ZBTB20: variants seen among roughly 807,000 people sequenced by gnomAD.
ZBTB20 encodes the protein zinc finger and BTB domain-containing protein 20.
A neutral mutation model predicts 56.9 loss-of-function variants in ZBTB20; 9 were observed. The observed-to-expected ratio is 0.16, with a 90% CI of 0.10 to 0.28. The LOEUF (loss-of-function observed/expected upper bound fraction) is 0.28, where lower values mean the gene tolerates loss of function less well. Ranked by LOEUF, ZBTB20 falls within the 10% of genes least tolerant of loss-of-function variation. The pLI, the probability that ZBTB20 is intolerant of heterozygous loss-of-function variation, is 1.00. For synonymous variants in ZBTB20, 417 were observed against 420.7 expected (o/e 0.99, Z 0.11); for missense variants, 655 against 1,003.0 (o/e 0.65, Z 4.69).
chr3:114,339,491 G>A lies in ZBTB20; in HGVS notation c.1805-65C>T. ...GACATAGCAAGGGATAGAGAATGAAGGACAGGAAAAACAAGACAACAAAAA... is the reference window on the plus strand; with the variant it reads ...GACATAGCAAGGGATAGAGAATGAAAGACAGGAAAAACAAGACAACAAAAA... On this transcript the variant is annotated intron_variant, in intron 11 of 11. Coordinates refer to ENST00000675478, the MANE Select transcript of ZBTB20 (RefSeq NM_001348800.3). The surrounding 1 kb of genome is among the most constrained non-coding windows in gnomAD (Gnocchi z 4.2). 12 of 1,494,560 alleles carry A rather than the reference G, an allele frequency of 8.0e-6. No homozygotes were observed. Among genetic ancestry groups the A allele is most frequent in the South Asian group, 2.6e-5 (2 of 77,452 alleles). 92.6% of individuals were successfully genotyped at this position (1,494,560 alleles called of 1,614,324 possible).
chr3:114,490,448 C>A (rs2042614493), intron 7 of ZBTB20, among the ~76,000 whole-genome samples: 2 of 152,142 alleles, frequency 1.3e-5, no homozygotes, highest in Admixed American at 1.3e-4. Flanking sequence ...GTCTCGAACT[C>A]TTGACCTCGT....
chr3:114,574,737 C>T (rs565301620), intron 6 of ZBTB20, among the ~76,000 whole-genome samples: 116 of 152,172 alleles, frequency 7.6e-4, no homozygotes, highest in Non-Finnish European at 1.4e-3. Flanking sequence ...ACACTGATGC[C>T]GAACAGTTAT....
chr3:114,460,526 G>A (rs937142793), intron 7 of ZBTB20, among the ~76,000 whole-genome samples: 1 of 152,098 alleles, frequency 6.6e-6, no homozygotes, highest in Non-Finnish European at 1.5e-5. Flanking sequence ...TTTGAAGAAG[G>A]GGTCATGCAC....
intron 2 of ZBTB20, among the ~76,000 whole-genome samples, chr3:115,004,790 C>A (rs953426081): frequency 6.6e-6 from 1 of 151,608 alleles, no homozygotes; most frequent in Admixed American, 6.6e-5. Context: ...TAGAAAGTTT[C>A]TCTAAATTTT....
chr3:114,466,798 AAGAT>A (rs1415964348), intron 7 of ZBTB20, among the ~76,000 whole-genome samples: 4 of 152,234 alleles, frequency 2.6e-5, no homozygotes, highest in Non-Finnish European at 5.9e-5. Flanking sequence ...AGTAGCTACA[AAGAT>A]TAGAAGCAAT....
At chr3:114,697,740 C>A (rs2063132798) in intron 5 of ZBTB20, among the ~76,000 whole-genome samples, 2 of 150,312 alleles carry the variant, frequency 1.3e-5, no homozygotes, top group Admixed American at 6.6e-5. Flanking sequence ...AAGAAAGGAG[C>A]AGGAGAGGGA....
chr3:114,968,201 A>C (rs1429418449), intron 3 of ZBTB20, among the ~76,000 whole-genome samples: 1 of 152,158 alleles, frequency 6.6e-6, no homozygotes, highest in Admixed American at 6.5e-5. Context: ...TTAGAGAGAA[A>C]ATACTTAAAC....
chr3:114,880,050 T>C (rs1356111392), intron 4 of ZBTB20, among the ~76,000 whole-genome samples: 1 of 152,256 alleles, frequency 6.6e-6, no homozygotes, highest in Non-Finnish European at 1.5e-5. Context: ...ATTTGCCAGT[T>C]AATGTACCCT....
rs1345203225 is a variant in ZBTB20 at position 114,327,048 on chromosome 3, G to C, written c.*11957C>G. The C allele has an allele frequency of 6.6e-6, 1 of 152,070 alleles. No homozygotes were observed. The highest frequency in any genetic ancestry group is 1.5e-5 in the Non-Finnish European group (1 of 68,000). The allele number at this position is 152,070 out of a possible 1,614,324, so 9.4% of individuals were successfully genotyped here. A position where few individuals can be genotyped will look rare whatever the true frequency, so the allele number is the denominator to read the frequency against. On this transcript the variant is annotated 3_prime_UTR_variant, in exon 12 of 12. Transcript: ENST00000675478. ...TATCCTCACGAATATATACTATAGT[G>C]TTTCTGTCTATTATTTTGATGCATT...
At chr3:114,893,528 G>A (rs1368971234) in intron 4 of ZBTB20, among the ~76,000 whole-genome samples, 2 of 152,154 alleles carry the variant, frequency 1.3e-5, no homozygotes, top group Admixed American at 6.5e-5. Flanking sequence ...AATGTGCCTT[G>A]CTCTTTAGTG....
intron 2 of ZBTB20, among the ~76,000 whole-genome samples, chr3:115,014,370 G>A (rs1031062421): frequency 4.0e-5 from 6 of 151,506 alleles, no homozygotes; most frequent in Non-Finnish European, 8.9e-5. Flanking sequence ...AATGGCTATA[G>A]TCAAAAATAA....
intron 5 of ZBTB20, among the ~76,000 whole-genome samples, chr3:114,715,529 C>T (rs2064412332): frequency 6.6e-6 from 1 of 152,208 alleles, no homozygotes; most frequent in African/African-American, 2.4e-5. Context: ...GCTACAATAA[C>T]ACTGACAGCT....
At position 114,924,064 on chromosome 3, in the gene ZBTB20, C is replaced by T. The variant is rs1576337269; in HGVS notation, c.-455-23722G>A. ...AGAAGGGCTAAGAGATAAATATCTG[C>T]AAGAATGTGGAGAAACGAAAACACT... is the stretch of plus-strand genomic sequence containing the variant. On this transcript the variant is annotated intron_variant, in intron 3 of 11. Transcript: ENST00000675478. Among the ~76,000 whole-genome samples the T allele has an allele frequency of 2.6e-5, 4 of 151,750 alleles. No individual in the cohort carries two copies. In the South Asian group the frequency reaches 8.3e-4, roughly 31 times the overall value.
At chr3:114,410,451 A>ATCAGCC (rs2087821525) in intron 7 of ZBTB20, among the ~76,000 whole-genome samples, 2 of 152,140 alleles carry the variant, frequency 1.3e-5, no homozygotes, top group South Asian at 4.1e-4. Flanking sequence ...GAAATTAAAT[A>ATCAGCC]TCAGCCTCAG....
chr3:114,405,193 CT>C (rs34549916), intron 7 of ZBTB20, among the ~76,000 whole-genome samples: 5 of 151,478 alleles, frequency 3.3e-5, no homozygotes, highest in South Asian at 2.1e-4. Flanking sequence ...AACAGTCTGA[CT>C]TTTTTTTTCC....
At chr3:114,937,721 G>C (rs542265580) in intron 3 of ZBTB20, among the ~76,000 whole-genome samples, 24 of 152,134 alleles carry the variant, frequency 1.6e-4, no homozygotes, top group African/African-American at 5.5e-4. Flanking sequence ...GCGGCCAGCC[G>C]TAAATGTCTT....
intron 6 of ZBTB20, among the ~76,000 whole-genome samples, chr3:114,632,360 C>G (rs778878565): frequency 6.6e-6 from 1 of 152,174 alleles, no homozygotes; most frequent in Middle Eastern, 3.2e-3. Flanking sequence ...TGCACACCCC[C>G]CTCTCCCCTG....
intron 8 of ZBTB20, chr3:114,388,272 T>C (rs1485416018): frequency 3.3e-5 from 5 of 152,204 alleles, no homozygotes; most frequent in Non-Finnish European, 7.3e-5. Context: ...TATTGGAAAA[T>C]AGCATATATT....
In ZBTB20 at chr3:114,702,669, G is replaced by C. The variant is rs566763984; in HGVS notation, c.-342-9094C>G. On this transcript the variant is annotated intron_variant, in intron 5 of 11. Coordinates refer to ENST00000675478, the MANE Select transcript of ZBTB20 (RefSeq NM_001348800.3). ...GACATAGTGCTTTAGTCTAAATTGT[G>C]TGTGTGTGTGTGTGTGTGTGTATGT... Among the ~76,000 whole-genome samples the C allele has an allele frequency of 3.3e-5, 5 of 149,862 alleles. No homozygotes were observed. In the East Asian group the frequency reaches 9.7e-4, roughly 29 times the overall value.
Sources: gnomAD v4.1 joint callset for allele counts (sites outside exome capture counted in the v4.1 genomes callset) on GRCh38, gnomAD v4.1.1 for gene constraint, Gnocchi (gnomAD v3.1) non-coding constraint, MANE v1.5 for transcripts, NCBI Gene and HGNC (gene_info 2026-07-23, HGNC 2026-07-21) for gene names.